Variants in NUBPL observed in about 807,000 individuals in gnomAD.
NUBPL encodes iron-sulfur cluster transfer protein NUBPL.
NUBPL carries 31 observed loss-of-function variants against 45.7 expected under a neutral mutation model. The ratio of observed to expected loss-of-function variants is 0.68; its 90% CI spans 0.51 to 0.92. The LOEUF (loss-of-function observed/expected upper bound fraction) is 0.92. Ranked by LOEUF, NUBPL falls within the 40% of genes least tolerant of loss-of-function variation. The pLI is 0.00. For synonymous variants in NUBPL, 144 were observed against 140.9 expected, an observed-to-expected ratio of 1.02 and a Z score of -0.15; for missense variants, 401 against 398.7, an observed-to-expected ratio of 1.01 and a Z score of -0.05.
intron 6 of NUBPL, among the ~76,000 whole-genome samples, chr14:31,745,062 A>ATTT (rs1296767647): frequency 1.4e-5 from 2 of 148,000 alleles, no homozygotes; most frequent in Admixed American, 6.8e-5. Flanking sequence ...TTTTATTTTT[A>ATTT]TTATTATACT....
chr14:31,593,296 G>A (rs1245282184), intron 3 of NUBPL, among the ~76,000 whole-genome samples: 3 of 151,740 alleles, frequency 2.0e-5, no homozygotes, highest in African/African-American at 7.3e-5. Flanking sequence ...GGCGGATCAC[G>A]AGGTCAGGAG....
At chr14:31,655,275 G>A (rs1223245505) in intron 4 of NUBPL, among the ~76,000 whole-genome samples, 2 of 152,182 alleles carry the variant, frequency 1.3e-5, no homozygotes, top group Non-Finnish European at 2.9e-5. Flanking sequence ...GTAATAATAA[G>A]ACTTGAAAGT....
chr14:31,810,010 A>G (rs1437878917), intron 7 of NUBPL, among the ~76,000 whole-genome samples: 2 of 152,122 alleles, frequency 1.3e-5, no homozygotes, highest in Non-Finnish European at 2.9e-5. Context: ...GTTCTTTTAC[A>G]TTTGCTGAGG....
At chr14:31,832,488 G>C (rs1595690836) in intron 8 of NUBPL, among the ~76,000 whole-genome samples, 1 of 152,214 alleles carries the variant, frequency 6.6e-6, no homozygotes, top group East Asian at 1.9e-4. Context: ...AAGAGGTTAG[G>C]TTCTCAGTCA....
At chr14:31,807,225 T>A (rs2039707334) in intron 7 of NUBPL, among the ~76,000 whole-genome samples, 2 of 152,244 alleles carry the variant, frequency 1.3e-5, no homozygotes, top group African/African-American at 4.8e-5. Context: ...TGAACTAGTT[T>A]ACATTCCCAC....
chr14:31,734,239 C>A (rs2038115680), intron 6 of NUBPL, among the ~76,000 whole-genome samples: 1 of 152,162 alleles, frequency 6.6e-6, no homozygotes, highest in Non-Finnish European at 1.5e-5. Context: ...AATATCCCTT[C>A]ACAAAGATTA....
At position 31,681,152 on chromosome 14, in the gene NUBPL, G is replaced by A. The variant is rs550732905; in HGVS notation, c.513+7578G>A. Reference sequence around the variant, plus strand: ...ATTTATTAGCTTTGGTTTAAATGTTGGTATTTGAAGGAATTTATCGGTGAA... The same window carrying A: ...ATTTATTAGCTTTGGTTTAAATGTTAGTATTTGAAGGAATTTATCGGTGAA... On this transcript the variant is annotated intron_variant, in intron 6 of 10. Transcript: ENST00000281081. Among the ~76,000 whole-genome samples the A allele has an allele frequency of 3.3e-5, 5 of 151,948 alleles. No individual in the cohort carries two copies. In the South Asian group the frequency reaches 1.0e-3, roughly 32 times the overall value.
intron 4 of NUBPL, among the ~76,000 whole-genome samples, chr14:31,637,943 A>C (rs2035556395): frequency 6.6e-6 from 1 of 152,068 alleles, no homozygotes; most frequent in Non-Finnish European, 1.5e-5. Flanking sequence ...TTTGCTTGGT[A>C]GATCTTCCTC....
intron 6 of NUBPL, among the ~76,000 whole-genome samples, chr14:31,711,505 G>A (rs1027298913): frequency 6.6e-6 from 1 of 152,194 alleles, no homozygotes; most frequent in South Asian, 2.1e-4. Context: ...TAGTCTTACT[G>A]CTTGGCGATA....
chr14:31,764,380 G>A (rs1180243403), intron 6 of NUBPL, among the ~76,000 whole-genome samples: 1 of 152,170 alleles, frequency 6.6e-6, no homozygotes, highest in Non-Finnish European at 1.5e-5. Context: ...CACTTCATGA[G>A]GGTAGGGACT....
At chr14:31,743,413 T>C (rs1285478928) in intron 6 of NUBPL, among the ~76,000 whole-genome samples, 2 of 152,190 alleles carry the variant, frequency 1.3e-5, no homozygotes, top group African/African-American at 2.4e-5. Context: ...AGAGTCTTGC[T>C]CTGTCGCCCA....
At position 31,843,158 on chromosome 14, in the gene NUBPL, G is replaced by A. The variant is rs538825040; in HGVS notation, c.694-3313G>A. 5.9e-5 allele frequency among the ~76,000 whole-genome samples: 9 copies of A among 152,340 alleles called. No homozygotes were observed. In the East Asian group the frequency reaches 1.5e-3, roughly 26 times the overall value. On this transcript the variant is annotated intron_variant, in intron 8 of 10. Transcript: ENST00000281081. Reference sequence around the variant, plus strand: ...TACAGCAGCCACCAGCTGGAGGCTTGCTTGTCATCAGGACAGAGGGAAAAA... The same window carrying A: ...TACAGCAGCCACCAGCTGGAGGCTTACTTGTCATCAGGACAGAGGGAAAAA...
At chr14:31,709,325 A>G (rs938296995) in intron 6 of NUBPL, among the ~76,000 whole-genome samples, 1 of 152,220 alleles carries the variant, frequency 6.6e-6, no homozygotes, top group African/African-American at 2.4e-5. Flanking sequence ...GGTGGACATC[A>G]TTGAATAATT....
intron 8 of NUBPL, among the ~76,000 whole-genome samples, chr14:31,833,867 G>C (rs979244325): frequency 2.0e-5 from 3 of 152,152 alleles, no homozygotes; most frequent in East Asian, 1.9e-4. Context: ...CAGTCACATG[G>C]CCACATGTCA....
chr14:31,737,924 ATTCT>A (rs1320162964), intron 6 of NUBPL, among the ~76,000 whole-genome samples: 1 of 152,146 alleles, frequency 6.6e-6, no homozygotes, highest in African/African-American at 2.4e-5. Flanking sequence ...TGTTTTATTT[ATTCT>A]TTCTTTGGAA....
intron 6 of NUBPL, among the ~76,000 whole-genome samples, chr14:31,765,728 C>G (rs967595419): frequency 6.6e-6 from 1 of 151,854 alleles, no homozygotes; most frequent in African/African-American, 2.4e-5. Flanking sequence ...GAAAATGTTT[C>G]TCTTTTATTT....
intron 6 of NUBPL, among the ~76,000 whole-genome samples, chr14:31,707,638 G>A (rs1409722007): frequency 6.6e-6 from 1 of 152,084 alleles, no homozygotes; most frequent in Non-Finnish European, 1.5e-5. Context: ...GGATAAGCCA[G>A]TATAGGCTGT....
chr14:31,577,628 G>A (rs1311550500), intron 3 of NUBPL, among the ~76,000 whole-genome samples: 1 of 152,190 alleles, frequency 6.6e-6, no homozygotes, highest in Non-Finnish European at 1.5e-5. Context: ...TGGCCAGGCT[G>A]GTCTCGAACT....
chr14:31,735,719 G>A (rs1397907256), intron 6 of NUBPL, among the ~76,000 whole-genome samples: 2 of 152,114 alleles, frequency 1.3e-5, no homozygotes, highest in Non-Finnish European at 2.9e-5. Flanking sequence ...GGGCGTCGTC[G>A]CGCATGCCTG....
Sources: allele counts gnomAD v4.1 joint callset (sites outside exome capture counted in the v4.1 genomes callset), GRCh38; gene constraint gnomAD v4.1.1; transcripts MANE v1.5; gene names NCBI Gene and HGNC (gene_info 2026-07-23, HGNC 2026-07-21).